Variants in NCOA2 observed in about 807,000 individuals in gnomAD.
NCOA2 encodes nuclear receptor coactivator 2, also known as class E basic helix-loop-helix protein 75.
A neutral mutation model predicts 145.1 loss-of-function variants in NCOA2; 21 were observed. The observed-to-expected ratio is 0.14, with a 90% confidence interval of 0.10 to 0.21. NCOA2 has a LOEUF of 0.21. Ranked by LOEUF, NCOA2 falls within the 10% of genes least tolerant of loss-of-function variation. The pLI is 1.00. For missense variants in NCOA2, 1,472 were observed against 1,837.6 expected, an observed-to-expected ratio of 0.80 and a Z score of 3.64; for synonymous variants, 619 against 637.5, an observed-to-expected ratio of 0.97 and a Z score of 0.44.
intron 1 of NCOA2, among the ~76,000 whole-genome samples, chr8:70,365,207 C>G (rs1164737968): frequency 1.3e-5 from 2 of 152,102 alleles, no homozygotes; most frequent in East Asian, 3.9e-4. Context: ...GGTAGCACAC[C>G]TGTAGTCTCA....
At chr8:70,151,364 T>C (rs1219905209) in intron 11 of NCOA2, among the ~76,000 whole-genome samples, 1 of 152,036 alleles carries the variant, frequency 6.6e-6, no homozygotes, top group East Asian at 1.9e-4. Context: ...CTAGGCTCAC[T>C]GCAACCTCCG....
chr8:70,419,771 G>A, the NCOA2 span, among the ~76,000 whole-genome samples: 2 of 151,786 alleles, frequency 1.3e-5, no homozygotes, highest in African/African-American at 4.8e-5. Flanking sequence ...TCATTTTAAG[G>A]CACCCTCAAA....
At chr8:70,248,885 T>G (rs1344429520) in intron 2 of NCOA2, among the ~76,000 whole-genome samples, 3 of 151,644 alleles carry the variant, frequency 2.0e-5, no homozygotes, top group African/African-American at 7.3e-5. Context: ...TTGTCCCTTT[T>G]CACTGCTTAG....
At position 70,207,884 on chromosome 8, in the gene NCOA2, A is replaced by AAAGAAG. The variant is rs1197268154; in HGVS notation, c.259+6013_259+6018dup. On this transcript the variant is annotated intron_variant, in intron 4 of 22. Transcript: ENST00000452400. ...CCTCAAAAAAAAAAAAAAAAAAAAA[A>AAAGAAG]AAGAAGAAGAAGAAGAAGAAAAGAA... Among the ~76,000 whole-genome samples, 42 of 144,254 alleles carry AAAGAAG rather than the reference A, an allele frequency of 2.9e-4. 1 individual carries two copies. In the East Asian group the frequency reaches 5.1e-3, roughly 17 times the overall value. The allele number at this position is 144,254 out of a possible 152,430, so 94.6% of individuals were successfully genotyped here. A position where few individuals can be genotyped will look rare whatever the true frequency, so the allele number is the denominator to read the frequency against.
At chr8:70,160,126 A>G (rs1812778041) in intron 9 of NCOA2, among the ~76,000 whole-genome samples, 1 of 152,216 alleles carries the variant, frequency 6.6e-6, no homozygotes, top group African/African-American at 2.4e-5. Flanking sequence ...ATATTCATCT[A>G]GAAATTACGT....
intron 22 of NCOA2, among the ~76,000 whole-genome samples, chr8:70,115,877 G>A (rs1807044620): frequency 1.3e-5 from 2 of 152,174 alleles, no homozygotes; most frequent in Admixed American, 1.3e-4. Context: ...CAAGATAAAT[G>A]GAACAGTCAA....
At chr8:70,360,130 G>A (rs1810073235) in intron 1 of NCOA2, among the ~76,000 whole-genome samples, 1 of 152,114 alleles carries the variant, frequency 6.6e-6, no homozygotes, top group South Asian at 2.1e-4. Context: ...TAATTTATAA[G>A]TAATCAGGTA....
chr8:70,403,025 G>A (rs1814498655), intron 1 of NCOA2, among the ~76,000 whole-genome samples: 1 of 147,752 alleles, frequency 6.8e-6, no homozygotes, highest in Non-Finnish European at 1.5e-5. Context: ...CACCCGCCGG[G>A]CCGCGGCTCC....
At chr8:70,384,564 TCAAA>T (rs1812495477) in intron 1 of NCOA2, among the ~76,000 whole-genome samples, 2 of 152,336 alleles carry the variant, frequency 1.3e-5, no homozygotes, top group Admixed American at 6.5e-5. Context: ...CTTAGATACA[TCAAA>T]CAATCAGTCA....
chr8:70,309,472 T>C (rs1828141520), intron 1 of NCOA2, among the ~76,000 whole-genome samples: 1 of 151,560 alleles, frequency 6.6e-6, no homozygotes, highest in South Asian at 2.1e-4. Flanking sequence ...AATTAATTAA[T>C]TCATTTACCC....
intron 1 of NCOA2, among the ~76,000 whole-genome samples, chr8:70,329,313 C>T (rs1414156230): frequency 2.6e-5 from 4 of 151,906 alleles, no homozygotes; most frequent in Non-Finnish European, 4.4e-5. Context: ...GATGGGAGTT[C>T]GCCATGTGGA....
At chr8:70,408,170 G>T (rs1586705272), upstream of NCOA2, among the ~76,000 whole-genome samples, 1 of 152,258 alleles carries the variant, frequency 6.6e-6, no homozygotes, top group South Asian at 2.1e-4. Flanking sequence ...ACTTGGGCAA[G>T]TTATTTGGCA....
At chr8:70,267,577 TA>T (rs1824721445) in intron 2 of NCOA2, among the ~76,000 whole-genome samples, 1 of 151,968 alleles carries the variant, frequency 6.6e-6, no homozygotes, top group South Asian at 2.1e-4. Flanking sequence ...TTTTATTTTT[TA>T]TTTTTTATTT....
At chr8:70,147,014 T>C (rs538050068) in intron 12 of NCOA2, among the ~76,000 whole-genome samples, 1 of 152,294 alleles carries the variant, frequency 6.6e-6, no homozygotes, top group African/African-American at 2.4e-5. Context: ...TCTTACCCAA[T>C]TCTCAACTCT....
At chr8:70,362,355 A>G (rs1486159035) in intron 1 of NCOA2, among the ~76,000 whole-genome samples, 3 of 152,214 alleles carry the variant, frequency 2.0e-5, no homozygotes, top group Admixed American at 2.0e-4. Context: ...CCATCAAAGA[A>G]TAATTGATAA....
intron 22 of NCOA2, among the ~76,000 whole-genome samples, chr8:70,116,869 G>C (rs1185920089): frequency 6.6e-6 from 1 of 152,316 alleles, no homozygotes; most frequent in African/African-American, 2.4e-5. Context: ...GCCTGAGCAA[G>C]ATGGTAACAG....
At chr8:70,291,425 T>TA (rs1404450273) in intron 2 of NCOA2, among the ~76,000 whole-genome samples, 2 of 152,170 alleles carry the variant, frequency 1.3e-5, no homozygotes, top group African/African-American at 4.8e-5. Context: ...ATTTTCAATT[T>TA]AAAAAAAGTT....
At chr8:70,213,033 G>T (rs889163305) in intron 4 of NCOA2, among the ~76,000 whole-genome samples, 1 of 147,018 alleles carries the variant, frequency 6.8e-6, no homozygotes, top group African/African-American at 2.5e-5. Context: ...GCAGTGAGTT[G>T]AGGATCACAC....
intron 22 of NCOA2, among the ~76,000 whole-genome samples, chr8:70,116,028 T>C (rs936888517): frequency 1.7e-4 from 25 of 149,832 alleles, no homozygotes; most frequent in Non-Finnish European, 1.5e-4. Context: ...CTACTAAAAA[T>C]ACAAAAAAAT....
Sources: gnomAD v4.1 joint callset for allele counts (sites outside exome capture counted in the v4.1 genomes callset) on GRCh38, gnomAD v4.1.1 for gene constraint, MANE v1.5 for transcripts, NCBI Gene and HGNC (gene_info 2026-07-23, HGNC 2026-07-21) for gene names.